SENP6: variants seen among roughly 807,000 people sequenced by gnomAD.
SENP6 encodes the protein SUMO specific peptidase 6.
A neutral mutation model predicts 134.5 loss-of-function variants in SENP6; 41 were observed. That is an observed-to-expected ratio of 0.30 (90% CI 0.24 to 0.40). SENP6 has a LOEUF of 0.40. SENP6 is among the 10% of genes least tolerant of loss of function. SENP6 has a pLI of 1.00. For missense variants in SENP6, 1,248 were observed against 1,312.5 expected (o/e 0.95, Z 0.76); for synonymous variants, 395 against 429.8 (o/e 0.92, Z 1.00).
chr6:75,636,592 A>G (rs1459005909), intron 5 of SENP6, among the ~76,000 whole-genome samples: 1 of 152,194 alleles, frequency 6.6e-6, no homozygotes, highest in East Asian at 1.9e-4. Context: ...ACAAATGATT[A>G]CATGCATGGT....
chr6:75,638,609 TATATATATATATA>T (rs1427609596), intron 5 of SENP6, among the ~76,000 whole-genome samples: 3 of 60,262 alleles, frequency 5.0e-5, no homozygotes, highest in Admixed American at 1.7e-4. Flanking sequence ...TATATATATA[TATATATATATATA>T]TTTTTTTTTT....
chr6:75,678,761 G>GTA lies in SENP6; in HGVS notation c.1959-39_1959-38dup, dbSNP rs368126880. The GTA allele has an allele frequency of 1.1e-3, 1,516 of 1,340,832 alleles. 1 individual carries two copies. Among genetic ancestry groups the GTA allele is most frequent in the Non-Finnish European group, 1.4e-3 (1,300 of 937,262 alleles). The allele number at this position is 1,340,832 out of a possible 1,614,324, so 83.1% of individuals were successfully genotyped here. A position where few individuals can be genotyped will look rare whatever the true frequency, so the allele number is the denominator to read the frequency against. ...CTCTGTTTTATTACATTTCAGTTGT[G>GTA]TATATATATATAGATTTGTTTATTT... is the stretch of plus-strand genomic sequence containing the variant. On this transcript the variant is annotated intron_variant, in intron 15 of 23. Transcript: ENST00000447266.
At chr6:75,686,926 A>T (rs1028454208) in intron 16 of SENP6, among the ~76,000 whole-genome samples, 6 of 152,040 alleles carry the variant, frequency 3.9e-5, no homozygotes, top group African/African-American at 1.4e-4. Flanking sequence ...GCATTTCCTG[A>T]ATTTAAATAT....
chr6:75,707,146 GTAGA>G (rs898461982), intron 19 of SENP6, among the ~76,000 whole-genome samples: 1 of 152,076 alleles, frequency 6.6e-6, no homozygotes, highest in Non-Finnish European at 1.5e-5. Flanking sequence ...TTTGTGTAAG[GTAGA>G]TAGATATTTA....
At chr6:75,647,618 G>T in intron 6 of SENP6, 113 bp from the exon 7 acceptor site, 1 of 543,710 alleles carries the variant, frequency 1.8e-6, no homozygotes, top group South Asian at 2.8e-5. Context: ...TTTTTATATG[G>T]CAAAGAAGCT....
chr6:75,616,167 C>T lies in SENP6; in HGVS notation c.53-5365C>T, dbSNP rs189550439. ...TTAATTTGTGATATTTAACTGGGAT[C>T]TCTCCTTAACCTTTTTCTTTCCATC... is the stretch of plus-strand genomic sequence containing the variant. On this transcript the variant is annotated intron_variant, in intron 1 of 23. Transcript: ENST00000447266. Among the ~76,000 whole-genome samples the T allele has an allele frequency of 1.8e-4, 27 of 152,138 alleles. No homozygotes were observed. In the East Asian group the frequency reaches 5.0e-3, roughly 28 times the overall value.
intron 16 of SENP6, among the ~76,000 whole-genome samples, chr6:75,684,020 T>C (rs1441513110): frequency 6.6e-6 from 1 of 152,246 alleles, no homozygotes; most frequent in Non-Finnish European, 1.5e-5. Flanking sequence ...TGATTCTTCC[T>C]ATCCATGAGA....
intron 10 of SENP6, among the ~76,000 whole-genome samples, chr6:75,668,676 T>A (rs1312517357): frequency 6.6e-6 from 1 of 152,248 alleles, no homozygotes; most frequent in African/African-American, 2.4e-5. Flanking sequence ...TCTAAATGTG[T>A]ACCACAACTG....
At chr6:75,669,944 T>G (rs1322724915) in intron 10 of SENP6, among the ~76,000 whole-genome samples, 1 of 152,132 alleles carries the variant, frequency 6.6e-6, no homozygotes, top group East Asian at 1.9e-4. Flanking sequence ...TCAGATTTTT[T>G]TTTTTTAAGA....
intron 1 of SENP6, among the ~76,000 whole-genome samples, chr6:75,613,159 C>T (rs1200144861): frequency 1.3e-5 from 2 of 151,404 alleles, no homozygotes; most frequent in Non-Finnish European, 2.9e-5. Context: ...CCAAATTTGT[C>T]CAGCTGCCTG....
At chr6:75,705,684 A>G (rs1002065849) in intron 19 of SENP6, among the ~76,000 whole-genome samples, 6 of 152,046 alleles carry the variant, frequency 3.9e-5, no homozygotes, top group African/African-American at 9.7e-5. Flanking sequence ...ATAACATGCT[A>G]TAGTGTGTGC....
At chr6:75,647,479 C>T in intron 6 of SENP6, 1 of 273,990 alleles carries the variant, frequency 3.6e-6, no homozygotes. Context: ...TGGAATTGTC[C>T]TCAAGACAAT....
chr6:75,635,682 T>G (rs1282642194), intron 5 of SENP6, among the ~76,000 whole-genome samples: 2 of 152,108 alleles, frequency 1.3e-5, no homozygotes, highest in African/African-American at 4.8e-5. Flanking sequence ...CTTGAGAAAC[T>G]TAAAAGGACA....
At chr6:75,683,199 A>T (rs1157998674) in intron 16 of SENP6, among the ~76,000 whole-genome samples, 1 of 151,874 alleles carries the variant, frequency 6.6e-6, no homozygotes, top group African/African-American at 2.4e-5. Context: ...CGCTGTATAG[A>T]TGTCTTCTTT....
intron 3 of SENP6, 101 bp from the exon 4 acceptor site, chr6:75,633,480 A>G: frequency 1.1e-6 from 1 of 946,118 alleles, no homozygotes; most frequent in Non-Finnish European, 1.5e-6. Context: ...CATTCCCAAT[A>G]GCTGTATGTT....
intron 9 of SENP6, among the ~76,000 whole-genome samples, chr6:75,664,873 C>T (rs1772074764): frequency 6.6e-6 from 1 of 152,182 alleles, no homozygotes; most frequent in South Asian, 2.1e-4. Context: ...TCCCTGTTCT[C>T]TTATAGTTTA....
At chr6:75,632,389 G>C (rs571623274) in intron 3 of SENP6, among the ~76,000 whole-genome samples, 50 of 152,242 alleles carry the variant, frequency 3.3e-4, no homozygotes, top group African/African-American at 1.1e-3. Flanking sequence ...CAAACTCTAG[G>C]CTTGCCAATA....
chr6:75,620,650 C>T (rs747346677), intron 1 of SENP6: 2 of 152,204 alleles, frequency 1.3e-5, no homozygotes, highest in Non-Finnish European at 2.9e-5. Flanking sequence ...TAGCACTGAC[C>T]ATGGGGTGGA....
At chr6:75,713,928 AAATTAT>A (rs1775896106) in intron 23 of SENP6, 103 bp downstream of exon 23, 1 of 930,418 alleles carries the variant, frequency 1.1e-6, no homozygotes. Flanking sequence ...AAGAGTTTCA[AAATTAT>A]TGTTTCAAAA....
Sources: gnomAD v4.1 joint callset for allele counts (sites outside exome capture counted in the v4.1 genomes callset) on GRCh38, gnomAD v4.1.1 for gene constraint, MANE v1.5 for transcripts, NCBI Gene and HGNC (gene_info 2026-07-23, HGNC 2026-07-21) for gene names.